The following TSPAN18 variants were observed in gnomAD, a reference collection of about 807,000 sequenced individuals.
TSPAN18 encodes the protein tetraspanin 18, also known as tetraspanin-18.
A neutral mutation model predicts 27.3 loss-of-function variants in TSPAN18; 14 were observed. The observed-to-expected ratio is 0.51, with a 90% confidence interval of 0.34 to 0.80. The LOEUF is 0.80. TSPAN18 is among the 30% of genes least tolerant of loss of function. TSPAN18 has a pLI of 0.01. For synonymous variants in TSPAN18, 143 were observed against 136.5 expected (o/e 1.05, Z -0.33); for missense variants, 268 against 323.9 (o/e 0.83, Z 1.32).
At chr11:44,827,913 G>C (rs1157708164) in intron 2 of TSPAN18, among the ~76,000 whole-genome samples, 1 of 152,224 alleles carries the variant, frequency 6.6e-6, no homozygotes, top group Non-Finnish European at 1.5e-5. Context: ...GCTGGGACAG[G>C]CCTCCTGGGA....
At chr11:44,817,213 C>T (rs1196662484) in intron 2 of TSPAN18, among the ~76,000 whole-genome samples, 1 of 152,238 alleles carries the variant, frequency 6.6e-6, no homozygotes, top group Non-Finnish European at 1.5e-5. Context: ...TGCTGCCTGC[C>T]CTCACTGTGA....
chr11:44,875,358 T>C (rs1320865939), intron 3 of TSPAN18, among the ~76,000 whole-genome samples: 1 of 152,190 alleles, frequency 6.6e-6, no homozygotes, highest in African/African-American at 2.4e-5. Context: ...GAGCATAAAA[T>C]AATATTTATC....
intron 3 of TSPAN18, among the ~76,000 whole-genome samples, chr11:44,902,825 G>C (rs926699366): frequency 5.9e-5 from 9 of 152,202 alleles, no homozygotes; most frequent in Admixed American, 6.5e-5. Flanking sequence ...TCACCCAGGA[G>C]AGGGTACAAC....
chr11:44,893,312 A>G (rs769919143), intron 3 of TSPAN18, among the ~76,000 whole-genome samples: 9 of 152,064 alleles, frequency 5.9e-5, no homozygotes, highest in Non-Finnish European at 8.8e-5. Flanking sequence ...TTAGGATCCA[A>G]TTGCATCCAC....
rs1438053573 is a variant in TSPAN18, at chr11:44,919,836, A to G, written c.452A>G (p.Asn151Ser). 6 of 1,614,014 alleles carry G rather than the reference A, an allele frequency of 3.7e-6. No homozygotes were observed. Among genetic ancestry groups the G allele is most frequent in the Admixed American group, 1.7e-5 (1 of 59,994 alleles). The part of the protein sequence containing the change: ...VMITFGCCGV[N>S]GPEDFKFASV... ...CCCTAGTTTGGTTGCTGCGGGGTCA[A>G]CGGGCCTGAAGACTTTAAGTTTGCA... is the stretch of plus-strand genomic sequence containing the variant. Residue 151 changes from asparagine to serine, a missense_variant, in exon 8 of 10, where the codon AAC becomes AGC. Coordinates refer to ENST00000520358, the MANE Select transcript of TSPAN18 (RefSeq NM_130783.5).
At chr11:44,784,578 A>C (rs1284062129) in intron 2 of TSPAN18, among the ~76,000 whole-genome samples, 2 of 152,174 alleles carry the variant, frequency 1.3e-5, no homozygotes, top group Non-Finnish European at 2.9e-5. Context: ...GTAATGCAAT[A>C]CTGTGGCAGT....
intron 1 of TSPAN18, among the ~76,000 whole-genome samples, chr11:44,740,447 G>A (rs1854906268): frequency 6.6e-6 from 1 of 152,200 alleles, no homozygotes; most frequent in African/African-American, 2.4e-5. Flanking sequence ...CCTGTGAGAG[G>A]GCAGGGCCAG....
intron 9 of TSPAN18, among the ~76,000 whole-genome samples, chr11:44,927,776 C>T (rs1860423050): frequency 6.6e-6 from 1 of 152,124 alleles, no homozygotes; most frequent in Non-Finnish European, 1.5e-5. Context: ...CCCTAGAGTC[C>T]GGCTCCCAGC....
Position 44,727,164 on chromosome 11 carries a change from G to T in TSPAN18, c.-363G>T, listed in dbSNP as rs1263189783. On this transcript the variant is annotated 5_prime_UTR_variant, in exon 1 of 10. Transcript: ENST00000520358. ...CGCCTCGCGCTGCGGGTCCCCGGAC[G>T]CGCCGCCACCGCCGGGAAGGCAGCC... 1.1e-4 allele frequency: 16 copies of T among 150,034 alleles called. No individual in the cohort carries two copies. The highest frequency in any genetic ancestry group is 7.3e-4 in the Admixed American group (11 of 15,008). 9.3% of individuals were successfully genotyped at this position (150,034 alleles called of 1,614,324 possible). A position where few individuals can be genotyped will look rare whatever the true frequency, so the allele number is the denominator to read the frequency against.
intron 3 of TSPAN18, among the ~76,000 whole-genome samples, chr11:44,889,027 C>T (rs1204411340): frequency 6.6e-6 from 1 of 152,228 alleles, no homozygotes; most frequent in East Asian, 1.9e-4. Flanking sequence ...TGCTCACACT[C>T]GCCTCTCTCT....
chr11:44,727,071 AGCCCCGGCCCCG>A lies in TSPAN18; in HGVS notation c.-430_-419del, dbSNP rs765673237. 4,770 of 74,334 alleles carry A rather than the reference AGCCCCGGCCCCG, an allele frequency of 0.064. 190 individuals are homozygous for A. The highest frequency in any genetic ancestry group is 0.099 in the African/African-American group (3,085 of 31,182). The allele number at this position is 74,334 out of a possible 1,614,324, so 4.6% of individuals were successfully genotyped here. A position where few individuals can be genotyped will look rare whatever the true frequency, so the allele number is the denominator to read the frequency against. Reference sequence around the variant, plus strand: ...GAGCCCCAGCCCCGGCCCCGGCCCCAGCCCCGGCCCCGGCCCCGGCCCCGGCCCCGGCCCCGG... The same window carrying A: ...GAGCCCCAGCCCCGGCCCCGGCCCCAGCCCCGGCCCCGGCCCCGGCCCCGG... On this transcript the variant is annotated 5_prime_UTR_variant, in exon 1 of 10. Transcript: ENST00000520358.
At chr11:44,750,560 A>C (rs1374061084) in intron 1 of TSPAN18, among the ~76,000 whole-genome samples, 1 of 151,956 alleles carries the variant, frequency 6.6e-6, no homozygotes, top group African/African-American at 2.4e-5. Flanking sequence ...TGAATGCAAC[A>C]TCTCCCTCCA....
chr11:44,927,628 G>A (rs1485804172), intron 9 of TSPAN18, among the ~76,000 whole-genome samples: 1 of 152,036 alleles, frequency 6.6e-6, no homozygotes, highest in African/African-American at 2.4e-5. Flanking sequence ...TATTCAACAA[G>A]CACACACTGA....
intron 2 of TSPAN18, among the ~76,000 whole-genome samples, chr11:44,790,426 TG>T (rs1312617147): frequency 6.7e-6 from 1 of 149,246 alleles, no homozygotes; most frequent in Non-Finnish European, 1.5e-5. Flanking sequence ...TGTGTGTGCA[TG>T]TGTGTGTACA....
At chr11:44,908,688 C>A (rs1409915755) in intron 4 of TSPAN18, among the ~76,000 whole-genome samples, 1 of 150,304 alleles carries the variant, frequency 6.7e-6, no homozygotes, top group Non-Finnish European at 1.5e-5. Flanking sequence ...GAGATGTGAT[C>A]CCGCCACTGC....
intron 3 of TSPAN18, among the ~76,000 whole-genome samples, chr11:44,893,718 G>T (rs1282486544): frequency 6.6e-6 from 1 of 152,240 alleles, no homozygotes; most frequent in Non-Finnish European, 1.5e-5. Flanking sequence ...AAAAGGGAAT[G>T]ATGATAATAT....
intron 3 of TSPAN18, among the ~76,000 whole-genome samples, chr11:44,893,357 C>T (rs774148550): frequency 2.8e-4 from 43 of 152,216 alleles, no homozygotes; most frequent in Admixed American, 1.4e-3. Context: ...CTTAAGGCAC[C>T]CGCCCCTCAG....
intron 3 of TSPAN18, chr11:44,903,941 A>G: frequency 2.2e-6 from 1 of 451,670 alleles, no homozygotes; most frequent in Non-Finnish European, 4.5e-6. Flanking sequence ...GTTATGAGTT[A>G]GTAAATGTAA....
In TSPAN18 at chr11:44,926,762, G is replaced by A. The variant is rs1191233566; in HGVS notation, c.699+5G>A. On this transcript the variant is annotated splice_donor_5th_base_variant and intron_variant, in intron 9 of 9. Coordinates refer to ENST00000520358, the MANE Select transcript of TSPAN18 (RefSeq NM_130783.5). ...ATCGGGGTACTGGCCATCGAGGTAA[G>A]TAAAGGCCCCCACTTCTGCCGCTCC... The A allele has an allele frequency of 1.9e-6, 3 of 1,613,994 alleles. No individual in the cohort carries two copies. The highest frequency in any genetic ancestry group is 2.2e-5 in the South Asian group (2 of 91,094).
Sources: allele counts gnomAD v4.1 joint callset (sites outside exome capture counted in the v4.1 genomes callset), GRCh38; gene constraint gnomAD v4.1.1; transcripts MANE v1.5; gene names NCBI Gene and HGNC (gene_info 2026-07-23, HGNC 2026-07-21).